The following AKAP19 variants were observed in gnomAD, a reference collection of about 807,000 sequenced individuals.
AKAP19 encodes the protein A-kinase anchoring protein 19.
the AKAP19 span, among the ~76,000 whole-genome samples, chr2:190,193,587 T>C: frequency 4.5e-4 from 68 of 152,298 alleles, no homozygotes; most frequent in African/African-American, 1.4e-3. Flanking sequence ...TGTAGGGCTA[T>C]CATTTTTTTC....
chr2:190,045,322 G>A, the AKAP19 span, among the ~76,000 whole-genome samples: 4 of 152,314 alleles, frequency 2.6e-5, no homozygotes, highest in South Asian at 8.3e-4. Context: ...GGCTGGATCA[G>A]CTAAGTCACC....
chr2:190,028,903 G>A, the AKAP19 span, among the ~76,000 whole-genome samples: 1 of 152,148 alleles, frequency 6.6e-6, no homozygotes, highest in Non-Finnish European at 1.5e-5. Flanking sequence ...TTGATAAAAT[G>A]AAAATTACTT....
At chr2:189,974,273 A>T in the AKAP19 span, among the ~76,000 whole-genome samples, 2 of 152,162 alleles carry the variant, frequency 1.3e-5, no homozygotes, top group Non-Finnish European at 1.5e-5. Context: ...TTCAGTTTCC[A>T]TGTAGTTGAA....
the AKAP19 span, among the ~76,000 whole-genome samples, chr2:189,949,832 A>G: frequency 6.6e-6 from 1 of 151,328 alleles, no homozygotes; most frequent in Non-Finnish European, 1.5e-5. Flanking sequence ...GGGTTTCACC[A>G]TGTTGTCCAG....
At chr2:189,901,053 A>G in the AKAP19 span, among the ~76,000 whole-genome samples, 1 of 152,208 alleles carries the variant, frequency 6.6e-6, no homozygotes, top group African/African-American at 2.4e-5. Flanking sequence ...AGGCAGACTT[A>G]ACAGCTTATC....
At chr2:189,902,768 T>C in the AKAP19 span, among the ~76,000 whole-genome samples, 1 of 152,092 alleles carries the variant, frequency 6.6e-6, no homozygotes, top group Non-Finnish European at 1.5e-5. Context: ...GTGCTCTTTT[T>C]TTTCATGATT....
chr2:189,931,018 G>A, the AKAP19 span: 1 of 670,260 alleles, frequency 1.5e-6, no homozygotes, highest in Non-Finnish European at 2.6e-6. Context: ...CATCTTCTGG[G>A]GCCAAGGGGT....
chr2:190,165,822 C>T, the AKAP19 span, among the ~76,000 whole-genome samples: 1 of 152,110 alleles, frequency 6.6e-6, no homozygotes, highest in African/African-American at 2.4e-5. Context: ...TAATTAAACA[C>T]CCATACCTAC....
the AKAP19 span, among the ~76,000 whole-genome samples, chr2:190,161,870 T>A: frequency 6.6e-6 from 1 of 152,194 alleles, no homozygotes; most frequent in Non-Finnish European, 1.5e-5. Flanking sequence ...AGGAGTGACT[T>A]AGAGACTACT....
At chr2:190,044,108 G>T in the AKAP19 span, among the ~76,000 whole-genome samples, 1 of 152,174 alleles carries the variant, frequency 6.6e-6, no homozygotes, top group Non-Finnish European at 1.5e-5. Flanking sequence ...TGCTTTGAAA[G>T]TGTGGGTTCC....
the AKAP19 span, among the ~76,000 whole-genome samples, chr2:190,009,567 A>G: frequency 2.6e-5 from 4 of 152,226 alleles, no homozygotes; most frequent in Non-Finnish European, 5.9e-5. Context: ...CTTTGGAAGG[A>G]AAGATTAGGA....
chr2:190,175,401 T>TTC, the AKAP19 span, among the ~76,000 whole-genome samples: 30 of 152,322 alleles, frequency 2.0e-4, no homozygotes, highest in African/African-American at 7.0e-4. Flanking sequence ...GCTTATATAG[T>TTC]TGTAAATATA....
chr2:190,138,783 A>G, the AKAP19 span, among the ~76,000 whole-genome samples: 1 of 152,204 alleles, frequency 6.6e-6, no homozygotes, highest in African/African-American at 2.4e-5. Flanking sequence ...ATAGGTTTTT[A>G]TCATCTTTAG....
chr2:190,076,925 T>C, the AKAP19 span, among the ~76,000 whole-genome samples: 6 of 152,200 alleles, frequency 3.9e-5, no homozygotes, highest in South Asian at 6.2e-4. Flanking sequence ...CTTAATGTCC[T>C]GTAAGTCACA....
At chr2:190,169,404 C>T in the AKAP19 span, among the ~76,000 whole-genome samples, 1 of 152,138 alleles carries the variant, frequency 6.6e-6, no homozygotes, top group East Asian at 1.9e-4. Flanking sequence ...GTGAGGTGGT[C>T]TGAATGTGAG....
the AKAP19 span, among the ~76,000 whole-genome samples, chr2:189,991,313 G>A: frequency 6.6e-6 from 1 of 152,144 alleles, no homozygotes; most frequent in East Asian, 1.9e-4. Context: ...ATTCCTACCA[G>A]CAATGTAAAA....
chr2:190,199,805 A>AGAT, the AKAP19 span: 1 of 1,580,134 alleles, frequency 6.3e-7, no homozygotes, highest in Admixed American at 1.8e-5. Context: ...TGTTTTCTAA[A>AGAT]GATGGCCTGG....
the AKAP19 span, among the ~76,000 whole-genome samples, chr2:190,084,499 G>A: frequency 6.6e-6 from 1 of 152,106 alleles, no homozygotes; most frequent in African/African-American, 2.4e-5. Flanking sequence ...GGTGGAAAAT[G>A]CCCCTTATTG....
At chr2:190,175,010 T>C in the AKAP19 span, among the ~76,000 whole-genome samples, 3 of 151,980 alleles carry the variant, frequency 2.0e-5, no homozygotes, top group South Asian at 6.3e-4. Context: ...TTACATGGAG[T>C]ACATAGTTCC....
Sources: allele counts gnomAD v4.1 joint callset (sites outside exome capture counted in the v4.1 genomes callset), GRCh38; gene constraint gnomAD v4.1.1; transcripts MANE v1.5; gene names NCBI Gene and HGNC (gene_info 2026-07-23, HGNC 2026-07-21).